Variants in C2orf49 observed in about 807,000 individuals in gnomAD.
C2orf49 encodes tRNA-splicing ligase complex subunit ASW.
In C2orf49, 11 loss-of-function variants were observed where a neutral mutation model predicts 20.6. The ratio of observed to expected loss-of-function variants is 0.53; its 90% CI spans 0.34 to 0.88. C2orf49 has a LOEUF of 0.88. Among genes scored for constraint, C2orf49 ranks in the 40% least tolerant of loss-of-function variants. C2orf49 has a pLI of 0.02. For synonymous variants in C2orf49, 134 were observed against 108.5 expected (o/e 1.24, Z -1.46); for missense variants, 289 against 274.2 (o/e 1.05, Z -0.38).
At chr2:105,338,617 G>A (rs1176618709) in intron 1 of C2orf49, among the ~76,000 whole-genome samples, 1 of 152,154 alleles carries the variant, frequency 6.6e-6, no homozygotes, top group Non-Finnish European at 1.5e-5. Context: ...CCAAAGTAAT[G>A]GGCTTATGAA....
At chr2:105,366,164 C>T in the C2orf49 span, among the ~76,000 whole-genome samples, 10 of 151,338 alleles carry the variant, frequency 6.6e-5, no homozygotes, top group East Asian at 3.9e-4. Flanking sequence ...GAGCCAAGAT[C>T]GAGCCACTGC....
At chr2:105,383,928 G>A in the C2orf49 span, among the ~76,000 whole-genome samples, 1 of 152,122 alleles carries the variant, frequency 6.6e-6, no homozygotes, top group Non-Finnish European at 1.5e-5. Context: ...ACATTAATCC[G>A]GGTTGAAAAG....
the C2orf49 span, among the ~76,000 whole-genome samples, chr2:105,379,652 C>T: frequency 0.024 from 3,627 of 152,296 alleles, 127 homozygotes; most frequent in African/African-American, 0.084. Flanking sequence ...TTACCTGGCA[C>T]GTCAGCCCCT....
the C2orf49 span, chr2:105,373,547 G>A: frequency 1.2e-6 from 2 of 1,614,176 alleles, no homozygotes; most frequent in Non-Finnish European, 1.7e-6. Flanking sequence ...TGAGAAAGGA[G>A]TGCCTCCTGA....
chr2:105,363,171 G>A, the C2orf49 span: 1 of 973,564 alleles, frequency 1.0e-6, no homozygotes, highest in Admixed American at 2.4e-5. Context: ...GCTGTGTTCA[G>A]AGCCTTAGGG....
the C2orf49 span, among the ~76,000 whole-genome samples, chr2:105,381,732 C>T: frequency 2.0e-5 from 3 of 152,032 alleles, no homozygotes; most frequent in Non-Finnish European, 4.4e-5. Flanking sequence ...TTTCAGTGCT[C>T]GTTACAAACT....
At chr2:105,356,027 C>G in the C2orf49 span, among the ~76,000 whole-genome samples, 1 of 152,130 alleles carries the variant, frequency 6.6e-6, no homozygotes, top group Admixed American at 6.5e-5. Context: ...GGGGGAATCG[C>G]TTGAGCCCAG....
chr2:105,367,893 T>G, the C2orf49 span, among the ~76,000 whole-genome samples: 2 of 152,226 alleles, frequency 1.3e-5, no homozygotes, highest in African/African-American at 4.8e-5. Flanking sequence ...AGGTAATTCC[T>G]ATTTTGTGCA....
chr2:105,362,986 G>A, the C2orf49 span: 3 of 342,846 alleles, frequency 8.8e-6, no homozygotes, highest in South Asian at 9.1e-5. Context: ...TTGTGCTTTT[G>A]TGATGTCACA....
At chr2:105,351,687 G>C (rs896834586), downstream of C2orf49, among the ~76,000 whole-genome samples, 45 of 152,068 alleles carry the variant, frequency 3.0e-4, no homozygotes, top group African/African-American at 1.0e-3. Context: ...ATTATAGGAT[G>C]CTCTAGCGTC....
At chr2:105,358,965 T>G in the C2orf49 span, 1 of 152,330 alleles carries the variant, frequency 6.6e-6, no homozygotes, top group East Asian at 1.9e-4. Context: ...ACTGCAGGTT[T>G]CCTAACAGAG....
At chr2:105,342,745 A>G in intron 2 of C2orf49, 103 bp from the exon 3 acceptor site, 1 of 1,198,232 alleles carries the variant, frequency 8.3e-7, no homozygotes, top group Non-Finnish European at 1.2e-6. Flanking sequence ...GATTAGTCTT[A>G]TCAGAAAATC....
At chr2:105,368,086 T>A in the C2orf49 span, among the ~76,000 whole-genome samples, 17 of 152,244 alleles carry the variant, frequency 1.1e-4, no homozygotes, top group Admixed American at 9.8e-4. Context: ...CTCCGATGAA[T>A]TCCCATGGAG....
chr2:105,379,691 A>G, the C2orf49 span, among the ~76,000 whole-genome samples: 1 of 151,986 alleles, frequency 6.6e-6, no homozygotes, highest in Non-Finnish European at 1.5e-5. Context: ...TCGCTTTCCA[A>G]CCTGACCCTC....
At position 105,345,476 on chromosome 2, in the gene C2orf49, TAAG is replaced by T; in HGVS notation, c.*107_*109del. 1 of 929,008 alleles carries T rather than the reference TAAG, an allele frequency of 1.1e-6. No individual in the cohort carries two copies. The highest frequency in any genetic ancestry group is 1.7e-6 in the Non-Finnish European group (1 of 605,318). The allele number at this position is 929,008 out of a possible 1,614,324, so 57.5% of individuals were successfully genotyped here. On this transcript the variant is annotated 3_prime_UTR_variant, in exon 4 of 4. Transcript: ENST00000258457. ...AATCCTGATTATTGTGGAATTTTCT[TAAG>T]AGGTTTCAAATAGGTTTAAAAAAAT...
In C2orf49 at chr2:105,342,888, G is replaced by A. The variant is rs747933866; in HGVS notation, c.307G>A (p.Val103Ile). The A allele has an allele frequency of 4.0e-5, 65 of 1,614,016 alleles. No homozygotes were observed. In the Admixed American group the frequency reaches 6.7e-4, roughly 17 times the overall value. The change falls in exon 3 of 4, where the codon GTA becomes ATA. Residue 103 changes from valine (V) to isoleucine (I), a missense_variant. Physicochemically the swap from Val to Ile is conservative, Grantham distance 29. Transcript: ENST00000258457. ...TGGGTTAAGGAAAAGACCCCTCATC[G>A]TATTTGATGGAAGTTCAACAAGTAC... is the stretch of plus-strand genomic sequence containing the variant. ...VDGLRKRPLI[V>I]FDGSSTSTSI...
At chr2:105,353,507 G>C (rs1679986458), downstream of C2orf49, among the ~76,000 whole-genome samples, 1 of 151,984 alleles carries the variant, frequency 6.6e-6, no homozygotes, top group South Asian at 2.1e-4. Context: ...CATGTATTTA[G>C]TTTTTACCCC....
intron 3 of C2orf49, 68 bp downstream of exon 3, chr2:105,343,291 C>T (rs1375134886): frequency 9.5e-6 from 14 of 1,477,152 alleles, no homozygotes; most frequent in East Asian, 9.1e-5. Context: ...TGCCTCATGA[C>T]GGGAGGTGGG....
At chr2:105,339,432 T>C (rs111947412) in intron 1 of C2orf49, 151 bp from the exon 2 acceptor site, 4 of 644,224 alleles carry the variant, frequency 6.2e-6, no homozygotes, top group African/African-American at 3.8e-5. Context: ...AATTTAACCT[T>C]TAACACTGTC....
Sources: allele counts gnomAD v4.1 joint callset (sites outside exome capture counted in the v4.1 genomes callset), GRCh38; gene constraint gnomAD v4.1.1; transcripts MANE v1.5; gene names NCBI Gene and HGNC (gene_info 2026-07-23, HGNC 2026-07-21).